Variants in TMPRSS3 observed in about 807,000 individuals in gnomAD.
TMPRSS3 encodes the protein transmembrane serine protease 3.
Under a neutral mutation model 59.6 loss-of-function variants are expected in TMPRSS3, and 55 were observed. The ratio of observed to expected loss-of-function variants is 0.92; its 90% CI spans 0.74 to 1.16. The LOEUF (loss-of-function observed/expected upper bound fraction) is 1.16. Among genes scored for constraint, TMPRSS3 ranks in the 50% most tolerant of loss-of-function variants. The probability of loss-of-function intolerance (pLI) is 0.00; values close to 1 mark genes in which losing one functional copy is unlikely to be tolerated. For missense variants in TMPRSS3, 596 were observed against 579.4 expected, an observed-to-expected ratio of 1.03 and a Z score of -0.29; for synonymous variants, 257 against 237.7, an observed-to-expected ratio of 1.08 and a Z score of -0.75.
At chr21:42,386,444 G>A (rs1009190074) in intron 5 of TMPRSS3, among the ~76,000 whole-genome samples, 5 of 152,222 alleles carry the variant, frequency 3.3e-5, no homozygotes, top group Middle Eastern at 3.2e-3. Context: ...TGGCATGAAA[G>A]AGCCGATGGT....
rs371722059 is a variant in TMPRSS3 at position 42,395,977 on chromosome 21, C to T, written c.-87G>A. The stretch of plus-strand genomic sequence containing the variant: ...AGTCCCAAAAATGTAGATGGCACCA[C>T]GGAAGAGATAGTAGGCCACAGTGTT... On this transcript the variant is annotated 5_prime_UTR_variant, in exon 1 of 13. In the 5' UTR this introduces an upstream ATG that the reference lacks. Coordinates refer to ENST00000644384, the MANE Select transcript of TMPRSS3 (RefSeq NM_001256317.3). The T allele has an allele frequency of 1.2e-5, 6 of 518,864 alleles. No individual in the cohort carries two copies. Among genetic ancestry groups the T allele is most frequent in the African/African-American group, 3.9e-5 (2 of 51,928 alleles). 32.1% of individuals were successfully genotyped at this position (518,864 alleles called of 1,614,324 possible).
rs1210708601 is a variant in TMPRSS3 at position 42,389,027 on chromosome 21, C to T, written c.224G>A (p.Gly75Glu). The change falls in exon 4 of 13, where the codon GGG becomes GAG. Residue 75 changes from glycine (G) to glutamate (E), a missense_variant. Coordinates refer to ENST00000644384, the MANE Select transcript of TMPRSS3 (RefSeq NM_001256317.3). Reference protein sequence around the residue: ...IGLGIHFDCSGKYRCRSSFKC... With the variant: ...IGLGIHFDCSEKYRCRSSFKC... The stretch of plus-strand genomic sequence containing the variant: ...AAAGGATGAGCGACATCTGTACTTC[C>T]CTGAGCAGTCGAAGTGGACTGGGAA... 1 of 1,614,180 alleles carries T rather than the reference C, an allele frequency of 6.2e-7. No individual in the cohort carries two copies. Among genetic ancestry groups the T allele is most frequent in the Admixed American group, 1.7e-5 (1 of 60,034 alleles).
At chr21:42,379,763 G>A (rs55845502) in intron 10 of TMPRSS3, among the ~76,000 whole-genome samples, 3 of 152,056 alleles carry the variant, frequency 2.0e-5, no homozygotes, top group Admixed American at 6.5e-5. Context: ...TCACAAATAC[G>A]AATCTTTGAG....
chr21:42,395,571 C>A, intron 1 of TMPRSS3, 103 bp from the exon 2 acceptor site: 1 of 678,554 alleles, frequency 1.5e-6, no homozygotes, highest in Non-Finnish European at 2.6e-6. Context: ...ACAGTCCACA[C>A]AAAGCGCATT....
intron 12 of TMPRSS3, 140 bp downstream of exon 12, chr21:42,375,575 CT>C (rs2052410936): frequency 9.1e-7 from 1 of 1,097,248 alleles, no homozygotes; most frequent in Non-Finnish European, 1.4e-6. Flanking sequence ...GTCTGACACC[CT>C]GGAGCCACCA....
intron 10 of TMPRSS3, among the ~76,000 whole-genome samples, chr21:42,378,870 TTTTGTTTGTTTG>T (rs3082133): frequency 2.0e-5 from 3 of 148,470 alleles, no homozygotes; most frequent in Non-Finnish European, 3.0e-5. Context: ...TCAGGCTAAT[TTTTGTTTGTTTG>T]TTTGTTTGTT....
chr21:42,394,815 C>T (rs913425059), intron 2 of TMPRSS3, among the ~76,000 whole-genome samples: 8 of 152,206 alleles, frequency 5.3e-5, no homozygotes, highest in African/African-American at 1.9e-4. Context: ...GTATAGGTTG[C>T]TAGAGAGTCC....
At chr21:42,393,092 A>G (rs2052754193) in intron 2 of TMPRSS3, among the ~76,000 whole-genome samples, 1 of 152,192 alleles carries the variant, frequency 6.6e-6, no homozygotes, top group Admixed American at 6.5e-5. Context: ...AAAAATACAA[A>G]AATTAGCTGG....
chr21:42,381,991 T>C (rs374268461), intron 9 of TMPRSS3, 74 bp downstream of exon 9: 53 of 1,568,672 alleles, frequency 3.4e-5, no homozygotes, highest in Non-Finnish European at 4.2e-5. Flanking sequence ...ATCATAAGAA[T>C]GCTTCAATGA....
At chr21:42,373,164 A>G (rs2052363602) in intron 12 of TMPRSS3, among the ~76,000 whole-genome samples, 1 of 152,190 alleles carries the variant, frequency 6.6e-6, no homozygotes. Context: ...CAACTAGCAC[A>G]CGGGACACTT....
chr21:42,377,377 C>G (rs542589020), intron 10 of TMPRSS3, among the ~76,000 whole-genome samples: 1 of 152,154 alleles, frequency 6.6e-6, no homozygotes. Flanking sequence ...AGGAGGGGCA[C>G]GAGCCAAGCA....
chr21:42,380,234 T>C, intron 9 of TMPRSS3, 22 bp from the exon 10 acceptor site: 2 of 1,590,110 alleles, frequency 1.3e-6, no homozygotes, highest in Non-Finnish European at 1.7e-6. Flanking sequence ...GAAACAATAG[T>C]TCACAACTCA....
chr21:42,373,898 G>A (rs527262237), intron 12 of TMPRSS3, among the ~76,000 whole-genome samples: 1 of 152,332 alleles, frequency 6.6e-6, no homozygotes, highest in East Asian at 1.9e-4. Context: ...ACGACAGCTG[G>A]AAGACACGGC....
rs2052534040 is a variant in TMPRSS3, at chr21:42,381,816, G to T, written c.952+249C>A. The stretch of plus-strand genomic sequence containing the variant: ...GAAAATGTAGGTAGGACTCAAGTCT[G>T]CAAACATGAGAGCCACATTGTCCAG... On this transcript the variant is annotated intron_variant, in intron 9 of 12. Transcript: ENST00000644384. 10 of 634,014 alleles carry T rather than the reference G, an allele frequency of 1.6e-5. No individual in the cohort carries two copies. In the South Asian group the frequency reaches 1.6e-4, roughly 10 times the overall value. The allele number at this position is 634,014 out of a possible 1,614,324, so 39.3% of individuals were successfully genotyped here.
chr21:42,384,313 T>C (rs901551615), intron 6 of TMPRSS3, among the ~76,000 whole-genome samples: 32 of 152,184 alleles, frequency 2.1e-4, no homozygotes, highest in African/African-American at 7.5e-4. Context: ...TATCAACATG[T>C]CACGCTGTCA....
At chr21:42,395,590 A>G (rs1334204380) in intron 1 of TMPRSS3, 122 bp from the exon 2 acceptor site, 1 of 642,044 alleles carries the variant, frequency 1.6e-6, no homozygotes, top group Non-Finnish European at 2.9e-6. Flanking sequence ...TTCAGTATCG[A>G]TTAACCAAAA....
At chr21:42,373,523 C>A (rs562383262) in intron 12 of TMPRSS3, among the ~76,000 whole-genome samples, 1 of 152,232 alleles carries the variant, frequency 6.6e-6, no homozygotes, top group Non-Finnish European at 1.5e-5. Context: ...TGCCCTGAAG[C>A]CCCCATGCAA....
At chr21:42,376,171 A>C (rs2052425020) in intron 11 of TMPRSS3, among the ~76,000 whole-genome samples, 2 of 152,158 alleles carry the variant, frequency 1.3e-5, no homozygotes, top group Admixed American at 1.3e-4. Context: ...CCACCTGGCC[A>C]GGGCCCTCAG....
chr21:42,390,374 T>C, intron 2 of TMPRSS3: 1 of 332,634 alleles, frequency 3.0e-6, no homozygotes, highest in Non-Finnish European at 5.9e-6. Flanking sequence ...TACAGAGTCA[T>C]CTAGTTAAAA....
Sources: allele counts gnomAD v4.1 joint callset (sites outside exome capture counted in the v4.1 genomes callset), GRCh38; gene constraint gnomAD v4.1.1; transcripts MANE v1.5; gene names NCBI Gene and HGNC (gene_info 2026-07-23, HGNC 2026-07-21).